Variants in VTI1A observed in about 807,000 individuals in gnomAD.
The protein encoded by VTI1A is vesicle transport through interaction with t-SNAREs homolog 1A.
VTI1A carries 22 observed loss-of-function variants against 34.9 expected under a neutral mutation model. The ratio of observed to expected loss-of-function variants is 0.63; its 90% CI spans 0.45 to 0.90. The LOEUF (loss-of-function observed/expected upper bound fraction) is 0.90, where lower values mean the gene tolerates loss of function less well. Among genes scored for constraint, VTI1A ranks in the 40% least tolerant of loss-of-function variants. The pLI, the probability that VTI1A is intolerant of heterozygous loss-of-function variation, is 0.00. For missense variants in VTI1A, 268 were observed against 275.6 expected (o/e 0.97, Z 0.20); for synonymous variants, 87 against 97.3 (o/e 0.89, Z 0.62).
chr10:112,457,927 G>A (rs1847594473), intron 1 of VTI1A, among the ~76,000 whole-genome samples: 1 of 152,098 alleles, frequency 6.6e-6, no homozygotes, highest in African/African-American at 2.4e-5. Context: ...AATAAAAACA[G>A]GACCTAAGAA....
At chr10:112,745,035 C>A (rs143281391) in intron 7 of VTI1A, among the ~76,000 whole-genome samples, 1 of 152,290 alleles carries the variant, frequency 6.6e-6, no homozygotes, top group African/African-American at 2.4e-5. Context: ...CAGGCAAATA[C>A]TACAGGCACC....
At chr10:112,518,574 T>TA (rs1849875678) in intron 3 of VTI1A, among the ~76,000 whole-genome samples, 1 of 124,134 alleles carries the variant, frequency 8.1e-6, no homozygotes, top group South Asian at 2.6e-4. Context: ...TCTCTCTCTC[T>TA]CTCTCTCTCT....
At chr10:112,638,549 C>G (rs1486075826) in intron 5 of VTI1A, among the ~76,000 whole-genome samples, 1 of 151,982 alleles carries the variant, frequency 6.6e-6, no homozygotes, top group Non-Finnish European at 1.5e-5. Context: ...ATTAAAAGTA[C>G]CAAAGATCAA....
intron 7 of VTI1A, among the ~76,000 whole-genome samples, chr10:112,765,004 C>T (rs1851598389): frequency 6.6e-6 from 1 of 152,156 alleles, no homozygotes; most frequent in African/African-American, 2.4e-5. Context: ...CTACTCAAAC[C>T]CACATTGCTA....
intron 7 of VTI1A, among the ~76,000 whole-genome samples, chr10:112,738,863 T>C (rs1027737670): frequency 2.6e-5 from 4 of 152,056 alleles, no homozygotes; most frequent in African/African-American, 9.7e-5. Context: ...AGAGAAATGC[T>C]TTATCATCTG....
At chr10:112,572,062 G>GC (rs1158260075) in intron 5 of VTI1A, among the ~76,000 whole-genome samples, 1 of 78,082 alleles carries the variant, frequency 1.3e-5, no homozygotes, top group Non-Finnish European at 2.7e-5. Context: ...CAGGATCATT[G>GC]CACCTCAAAC....
intron 7 of VTI1A, among the ~76,000 whole-genome samples, chr10:112,788,523 C>G (rs1852364976): frequency 6.6e-6 from 1 of 152,076 alleles, no homozygotes; most frequent in Non-Finnish European, 1.5e-5. Context: ...CCTCTATGTG[C>G]TTTTTAACCT....
At chr10:112,569,667 A>G (rs1177095275) in intron 5 of VTI1A, among the ~76,000 whole-genome samples, 1 of 152,166 alleles carries the variant, frequency 6.6e-6, no homozygotes, top group African/African-American at 2.4e-5. Flanking sequence ...GAAGGTGGTG[A>G]TATGGTGCTG....
chr10:112,579,742 T>C (rs1843850814), intron 5 of VTI1A, among the ~76,000 whole-genome samples: 1 of 151,984 alleles, frequency 6.6e-6, no homozygotes, highest in South Asian at 2.1e-4. Flanking sequence ...CTTAGAACCC[T>C]AAGGAAAGTG....
At chr10:112,786,801 T>A (rs1277698970) in intron 7 of VTI1A, among the ~76,000 whole-genome samples, 1 of 152,208 alleles carries the variant, frequency 6.6e-6, no homozygotes, top group Non-Finnish European at 1.5e-5. Context: ...GGTCATGATA[T>A]CTAAACTTTA....
chr10:112,589,854 G>C (rs1304403048), intron 5 of VTI1A, among the ~76,000 whole-genome samples: 3 of 152,290 alleles, frequency 2.0e-5, no homozygotes, highest in Non-Finnish European at 4.4e-5. Context: ...GCATGCACAA[G>C]AATTAAGTCA....
chr10:112,736,281 C>G (rs943399818), intron 7 of VTI1A, among the ~76,000 whole-genome samples: 8 of 151,714 alleles, frequency 5.3e-5, no homozygotes, highest in African/African-American at 1.9e-4. Context: ...ATATTTATTT[C>G]CTTTCTTCAT....
the VTI1A span, among the ~76,000 whole-genome samples, chr10:112,849,500 G>A: frequency 6.6e-6 from 1 of 152,182 alleles, no homozygotes; most frequent in Non-Finnish European, 1.5e-5. Flanking sequence ...GTCTTGAATG[G>A]TGACTCCTGG....
intron 5 of VTI1A, among the ~76,000 whole-genome samples, chr10:112,586,861 A>G (rs2134417818): frequency 6.6e-6 from 1 of 152,198 alleles, no homozygotes; most frequent in East Asian, 1.9e-4. Flanking sequence ...ACCACTGGTG[A>G]TTTAGTCGTC....
At chr10:112,754,047 G>T (rs992444350) in intron 7 of VTI1A, among the ~76,000 whole-genome samples, 6 of 152,164 alleles carry the variant, frequency 3.9e-5, no homozygotes, top group Admixed American at 2.0e-4. Context: ...AAGTTGGACC[G>T]CGAGAGAAAA....
intron 5 of VTI1A, among the ~76,000 whole-genome samples, chr10:112,545,959 T>C (rs764969421): frequency 1.7e-4 from 25 of 151,014 alleles, no homozygotes; most frequent in Non-Finnish European, 3.3e-4. Flanking sequence ...TGTGTGTGTG[T>C]ATATACGTGT....
intron 7 of VTI1A, among the ~76,000 whole-genome samples, chr10:112,719,696 G>C (rs1387565339): frequency 6.6e-6 from 1 of 152,028 alleles, no homozygotes; most frequent in Non-Finnish European, 1.5e-5. Flanking sequence ...ACAGGCATGC[G>C]CCACCACACC....
chr10:112,722,176 T>TTC, intron 7 of VTI1A, among the ~76,000 whole-genome samples: 1 of 152,292 alleles, frequency 6.6e-6, no homozygotes, highest in South Asian at 2.1e-4. Flanking sequence ...TTGTAAAAGG[T>TTC]TAGAACAGCT....
At chr10:112,758,337 C>T (rs909734926) in intron 7 of VTI1A, among the ~76,000 whole-genome samples, 2 of 152,162 alleles carry the variant, frequency 1.3e-5, no homozygotes, top group Non-Finnish European at 2.9e-5. Flanking sequence ...GCCTGGCAAC[C>T]TCCACCACCT....
Sources: gnomAD v4.1 joint callset for allele counts (sites outside exome capture counted in the v4.1 genomes callset) on GRCh38, gnomAD v4.1.1 for gene constraint, MANE v1.5 for transcripts, NCBI Gene and HGNC (gene_info 2026-07-23, HGNC 2026-07-21) for gene names.